CCSER1: variants seen among roughly 807,000 people sequenced by gnomAD.
CCSER1 encodes the protein serine-rich coiled-coil domain-containing protein 1.
CCSER1 carries 41 observed loss-of-function variants against 82.0 expected under a neutral mutation model. The observed-to-expected ratio is 0.50, with a 90% CI of 0.39 to 0.65. The LOEUF (loss-of-function observed/expected upper bound fraction) is 0.65. CCSER1 is among the 30% of genes least tolerant of loss of function. The probability of loss-of-function intolerance (pLI) is 0.00; values close to 1 mark genes in which losing one functional copy is unlikely to be tolerated. For synonymous variants in CCSER1, 414 were observed against 383.9 expected, an observed-to-expected ratio of 1.08 and a Z score of -0.92; for missense variants, 1,119 against 1,064.2, an observed-to-expected ratio of 1.05 and a Z score of -0.72.
chr4:91,184,568 C>A (rs1734346919), intron 10 of CCSER1, among the ~76,000 whole-genome samples: 1 of 152,138 alleles, frequency 6.6e-6, no homozygotes, highest in African/African-American at 2.4e-5. Flanking sequence ...GCTATGTGCC[C>A]ATTTTCTAAT....
chr4:90,619,305 G>A (rs1333630190), intron 5 of CCSER1, among the ~76,000 whole-genome samples: 1 of 151,824 alleles, frequency 6.6e-6, no homozygotes, highest in African/African-American at 2.4e-5. Flanking sequence ...TGAATGAGAG[G>A]GTGGGAAAAT....
chr4:91,169,996 A>G (rs935315985), intron 10 of CCSER1, among the ~76,000 whole-genome samples: 5 of 152,202 alleles, frequency 3.3e-5, no homozygotes, highest in Admixed American at 2.0e-4. Context: ...ACCTCTTTTA[A>G]AAAGAAAGCA....
chr4:90,915,108 C>T (rs1244165584), intron 8 of CCSER1, among the ~76,000 whole-genome samples: 1 of 152,160 alleles, frequency 6.6e-6, no homozygotes, highest in Non-Finnish European at 1.5e-5. Flanking sequence ...TGGTACCATT[C>T]CTTCTGAAAC....
intron 10 of CCSER1, among the ~76,000 whole-genome samples, chr4:91,199,128 A>G (rs1735697695): frequency 6.6e-6 from 1 of 152,136 alleles, no homozygotes; most frequent in African/African-American, 2.4e-5. Flanking sequence ...CTGAGGCCAG[A>G]GGAATAACAA....
At chr4:91,302,337 G>A (rs1744730705) in intron 10 of CCSER1, among the ~76,000 whole-genome samples, 1 of 151,962 alleles carries the variant, frequency 6.6e-6, no homozygotes, top group Admixed American at 6.6e-5. Flanking sequence ...TCACTGCAAC[G>A]TTGTTTTAAG....
chr4:91,175,227 G>A (rs1043262660), intron 10 of CCSER1, among the ~76,000 whole-genome samples: 4 of 152,146 alleles, frequency 2.6e-5, no homozygotes, highest in Non-Finnish European at 5.9e-5. Context: ...TATTGTTGAT[G>A]GACATTTGGG....
At chr4:90,247,677 A>C (rs998795773) in intron 1 of CCSER1, among the ~76,000 whole-genome samples, 8 of 152,110 alleles carry the variant, frequency 5.3e-5, no homozygotes, top group African/African-American at 1.9e-4. Context: ...AGTATAATGT[A>C]AATCCAGACT....
intron 9 of CCSER1, among the ~76,000 whole-genome samples, chr4:90,950,251 G>A (rs1732747780): frequency 6.6e-6 from 1 of 152,056 alleles, no homozygotes; most frequent in African/African-American, 2.4e-5. Flanking sequence ...ATAGATATCT[G>A]TAAAAAAATT....
At chr4:91,125,209 C>T (rs1257438678) in intron 10 of CCSER1, among the ~76,000 whole-genome samples, 4 of 151,468 alleles carry the variant, frequency 2.6e-5, no homozygotes, top group Non-Finnish European at 4.4e-5. Context: ...TACTTGTATA[C>T]AATTAGCATG....
intron 8 of CCSER1, among the ~76,000 whole-genome samples, chr4:90,846,408 A>G (rs1351946793): frequency 6.6e-6 from 1 of 152,198 alleles, no homozygotes; most frequent in Non-Finnish European, 1.5e-5. Context: ...TAATATTGTT[A>G]TAGACACCTG....
At chr4:91,211,176 A>G (rs1022654011) in intron 10 of CCSER1, among the ~76,000 whole-genome samples, 2 of 152,012 alleles carry the variant, frequency 1.3e-5, no homozygotes, top group Non-Finnish European at 2.9e-5. Flanking sequence ...GGGCAAAGGT[A>G]AAAAACCAAG....
intron 9 of CCSER1, among the ~76,000 whole-genome samples, chr4:91,034,722 G>C (rs1741284665): frequency 6.6e-6 from 1 of 152,090 alleles, no homozygotes; most frequent in South Asian, 2.1e-4. Context: ...CTTACATCAA[G>C]ATGTTGATGT....
chr4:91,368,588 T>C (rs1749805965), intron 10 of CCSER1, among the ~76,000 whole-genome samples: 2 of 152,178 alleles, frequency 1.3e-5, no homozygotes, highest in African/African-American at 4.8e-5. Flanking sequence ...TGTTTTTCTA[T>C]ACTTTTATAT....
chr4:90,374,055 C>T (rs912305787), intron 3 of CCSER1, among the ~76,000 whole-genome samples: 15 of 152,148 alleles, frequency 9.9e-5, no homozygotes, highest in East Asian at 7.7e-4. Flanking sequence ...CCAACATCCA[C>T]GAAACTGTAG....
chr4:91,591,868 C>T (rs1030383103), intron 10 of CCSER1, among the ~76,000 whole-genome samples: 1 of 151,990 alleles, frequency 6.6e-6, no homozygotes, highest in Non-Finnish European at 1.5e-5. Flanking sequence ...ACAAAATACA[C>T]TGAAATTGAT....
At chr4:91,445,444 A>G (rs1258859856) in intron 10 of CCSER1, among the ~76,000 whole-genome samples, 2 of 151,322 alleles carry the variant, frequency 1.3e-5, no homozygotes, top group Non-Finnish European at 2.9e-5. Flanking sequence ...CTGCCACCCA[A>G]TAGCAAAGAC....
intron 10 of CCSER1, among the ~76,000 whole-genome samples, chr4:91,580,110 G>C (rs1009757584): frequency 6.6e-6 from 1 of 151,820 alleles, no homozygotes; most frequent in Non-Finnish European, 1.5e-5. Context: ...TTTACTGCCA[G>C]TTACTGCAGA....
intron 8 of CCSER1, among the ~76,000 whole-genome samples, chr4:90,826,021 A>G (rs59618564): frequency 0.4 from 61,225 of 151,802 alleles, 12,585 homozygotes; most frequent in African/African-American, 0.46. Flanking sequence ...TACTTTGAAT[A>G]GGAACAAGGA....
chr4:90,483,476 T>C (rs894770741), intron 5 of CCSER1, among the ~76,000 whole-genome samples: 2 of 152,232 alleles, frequency 1.3e-5, no homozygotes, highest in African/African-American at 2.4e-5. Context: ...CTTGATGGTC[T>C]TTACAATTTA....
Sources: gnomAD v4.1 joint callset for allele counts (sites outside exome capture counted in the v4.1 genomes callset) on GRCh38, gnomAD v4.1.1 for gene constraint, MANE v1.5 for transcripts, NCBI Gene and HGNC (gene_info 2026-07-23, HGNC 2026-07-21) for gene names.